VAMP7: variants seen among roughly 807,000 people sequenced by gnomAD.
The protein encoded by VAMP7 is vesicle associated membrane protein 7.
A neutral mutation model predicts 29.6 loss-of-function variants in VAMP7; 14 were observed. That is an observed-to-expected ratio of 0.47 (90% CI 0.31 to 0.74). The LOEUF is 0.74. VAMP7 is among the 30% of genes least tolerant of loss of function. The pLI is 0.05. For missense variants in VAMP7, 223 were observed against 262.4 expected, an observed-to-expected ratio of 0.85 and a Z score of 1.04; for synonymous variants, 95 against 88.1, an observed-to-expected ratio of 1.08 and a Z score of -0.44.
intron 1 of VAMP7, among the ~76,000 whole-genome samples, chrX:155,884,746 G>T (rs1261990133): frequency 6.6e-6 from 1 of 152,198 alleles, no homozygotes; most frequent in Non-Finnish European, 1.5e-5. Flanking sequence ...ACATTTTTCA[G>T]TGTTATCAAA....
At chrX:155,927,365 T>TAAG (rs1265828627) in intron 6 of VAMP7, among the ~76,000 whole-genome samples, 120 of 127,888 alleles carry the variant, frequency 9.4e-4, no homozygotes, top group Non-Finnish European at 1.6e-3. Context: ...ACTTAAAGTA[T>TAAG]AATAATAATA....
intron 5 of VAMP7, among the ~76,000 whole-genome samples, chrX:155,903,789 T>G (rs2066104779): frequency 6.6e-6 from 1 of 152,064 alleles, no homozygotes; most frequent in South Asian, 2.1e-4. Flanking sequence ...CTTGTGGAAG[T>G]CAGTGTGGCG....
At chrX:155,929,681 G>A (rs2066519967) in intron 6 of VAMP7, among the ~76,000 whole-genome samples, 1 of 152,114 alleles carries the variant, frequency 6.6e-6, no homozygotes, top group Admixed American at 6.5e-5. Context: ...CTTGTCCCGT[G>A]TTGGATGGAA....
In VAMP7 at chrX:155,902,051, G is replaced by C. The variant is rs746317518; in HGVS notation, c.433+1464G>C. On this transcript the variant is annotated intron_variant, in intron 5 of 7. Transcript: ENST00000286448. ...TTTGTATCCTCTTTTATTTCACTGA[G>C]CAGTGGTTTGTAGTTCTCCTTGAAG... 1.7e-3 allele frequency among the ~76,000 whole-genome samples: 255 copies of C among 152,212 alleles called. 2 individuals carry two copies. The highest frequency in any genetic ancestry group is 6.0e-3 in the African/African-American group (251 of 41,534).
chrX:155,914,331 T>C (rs1050218015), intron 5 of VAMP7, among the ~76,000 whole-genome samples: 4 of 152,184 alleles, frequency 2.6e-5, no homozygotes, highest in Non-Finnish European at 5.9e-5. Context: ...ACTTCCTCTC[T>C]TCCTATTTGA....
intron 2 of VAMP7, among the ~76,000 whole-genome samples, chrX:155,889,913 T>C (rs2124234234): frequency 6.6e-6 from 1 of 151,624 alleles, no homozygotes; most frequent in South Asian, 2.1e-4. Context: ...AGATAGATAA[T>C]GTTCCTTTGT....
intron 6 of VAMP7, among the ~76,000 whole-genome samples, chrX:155,927,884 AC>A (rs2066494026): frequency 6.7e-6 from 1 of 149,482 alleles, no homozygotes; most frequent in African/African-American, 2.5e-5. Flanking sequence ...AATGATTCTT[AC>A]CCCACCTTTG....
intron 2 of VAMP7, 110 bp downstream of exon 2, chrX:155,889,722 C>A: frequency 1.6e-6 from 2 of 1,261,676 alleles, no homozygotes; most frequent in Non-Finnish European, 2.1e-6. Flanking sequence ...TTTGAATAAG[C>A]TGACAGAATA....
intron 6 of VAMP7, among the ~76,000 whole-genome samples, chrX:155,927,764 A>AT (rs2066491580): frequency 1.2e-5 from 1 of 84,084 alleles, no homozygotes; most frequent in African/African-American, 5.4e-5. Flanking sequence ...TCACAATGGC[A>AT]GTTTTTTTTT....
At chrX:155,889,707 C>A (rs1488889456) in intron 2 of VAMP7, 95 bp downstream of exon 2, 5 of 1,368,006 alleles carry the variant, frequency 3.7e-6, no homozygotes, top group Non-Finnish European at 4.8e-6. Flanking sequence ...CTTCTAGGTA[C>A]ATAATTTGAA....
chrX:155,889,502 C>T lies in VAMP7; in HGVS notation c.36C>T (p.Thr12=). 1 of 1,613,828 alleles carries T rather than the reference C, an allele frequency of 6.2e-7. No individual in the cohort carries two copies. Among genetic ancestry groups the T allele is most frequent in the South Asian group, 1.1e-5 (1 of 91,052 alleles). ...AILFAVVARG[T]TILAKHAWCG... ...TTTTTGCTGTTGTTGCCAGGGGGAC[C>T]ACTATCCTTGCCAAACATGCTTGGT... is the stretch of plus-strand genomic sequence containing the variant. Residue 12 remains threonine, a synonymous_variant, in exon 2 of 8, where the codon ACC becomes ACT. Transcript: ENST00000286448.
chrX:155,940,814 T>C (rs1299301841), intron 7 of VAMP7, among the ~76,000 whole-genome samples: 2 of 152,190 alleles, frequency 1.3e-5, no homozygotes, highest in African/African-American at 4.8e-5. Flanking sequence ...TGTGTGAATA[T>C]GATGTCAGAA....
At chrX:155,902,672 T>G (rs2066082742) in intron 5 of VAMP7, among the ~76,000 whole-genome samples, 1 of 152,152 alleles carries the variant, frequency 6.6e-6, no homozygotes, top group Non-Finnish European at 1.5e-5. Flanking sequence ...GGATTACATT[T>G]ATTGATTTGC....
intron 6 of VAMP7, among the ~76,000 whole-genome samples, chrX:155,932,010 A>G (rs985792260): frequency 1.3e-5 from 2 of 152,100 alleles, no homozygotes; most frequent in African/African-American, 2.4e-5. Context: ...CAAAGATGAC[A>G]TGGTTGTAGA....
intron 7 of VAMP7, among the ~76,000 whole-genome samples, chrX:155,940,197 A>T (rs1470391878): frequency 1.3e-5 from 2 of 152,188 alleles, no homozygotes; most frequent in African/African-American, 4.8e-5. Flanking sequence ...TGGAGTCCTC[A>T]GTAATTTTTG....
At position 155,890,825 on chromosome X, in the gene VAMP7, A is replaced by G. The variant is rs142870294; in HGVS notation, c.146+1213A>G. Reference sequence around the variant, plus strand: ...GCCTTACTTCCTTAGTTCTTATCTCAGAATGAGGTCCTTATTACTTTCTAT... The same window carrying G: ...GCCTTACTTCCTTAGTTCTTATCTCGGAATGAGGTCCTTATTACTTTCTAT... On this transcript the variant is annotated intron_variant, in intron 2 of 7. Coordinates refer to ENST00000286448, the MANE Select transcript of VAMP7 (RefSeq NM_005638.6). Among the ~76,000 whole-genome samples, 950 of 152,344 alleles carry G rather than the reference A, an allele frequency of 6.2e-3. 13 individuals are homozygous for G. The highest frequency in any genetic ancestry group is 0.022 in the African/African-American group (908 of 41,582).
intron 6 of VAMP7, among the ~76,000 whole-genome samples, chrX:155,921,944 G>A (rs984351770): frequency 4.6e-5 from 7 of 151,942 alleles, no homozygotes; most frequent in Non-Finnish European, 1.0e-4. Flanking sequence ...GTCCATGAAC[G>A]TGACATATCT....
intron 1 of VAMP7, 66 bp from the exon 2 acceptor site, chrX:155,889,392 G>A (rs2065900832): frequency 1.3e-6 from 2 of 1,564,402 alleles, no homozygotes; most frequent in East Asian, 2.3e-5. Flanking sequence ...ATAAATGATA[G>A]TAAGTTACCT....
chrX:155,927,481 CAAAA>C (rs531998416), intron 6 of VAMP7, among the ~76,000 whole-genome samples: 4 of 111,600 alleles, frequency 3.6e-5, no homozygotes, highest in East Asian at 2.5e-4. Context: ...TTCGATTTGC[CAAAA>C]AAAAAAAAAA....
Sources: allele counts gnomAD v4.1 joint callset (sites outside exome capture counted in the v4.1 genomes callset), GRCh38; gene constraint gnomAD v4.1.1; transcripts MANE v1.5; gene names NCBI Gene and HGNC (gene_info 2026-07-23, HGNC 2026-07-21).